SGCZ: variants seen among roughly 807,000 people sequenced by gnomAD.
SGCZ encodes the protein zeta-sarcoglycan.
Under a neutral mutation model 41.3 loss-of-function variants are expected in SGCZ, and 40 were observed. The observed-to-expected ratio is 0.97, with a 90% CI of 0.75 to 1.26. SGCZ has a LOEUF of 1.26. SGCZ is among the 50% of genes most tolerant of loss of function. The probability of loss-of-function intolerance (pLI) is 0.00; values close to 1 mark genes in which losing one functional copy is unlikely to be tolerated. For missense variants in SGCZ, 552 were observed against 369.8 expected (o/e 1.49, Z -4.04); for synonymous variants, 206 against 137.5 (o/e 1.50, Z -3.49).
At chr8:14,735,449 G>A (rs927853934) in intron 1 of SGCZ, among the ~76,000 whole-genome samples, 5 of 152,174 alleles carry the variant, frequency 3.3e-5, no homozygotes, top group African/African-American at 1.2e-4. Context: ...CATGCTGGAT[G>A]CTTCCTGCCC....
chr8:14,305,820 A>T (rs1200153516), intron 3 of SGCZ, among the ~76,000 whole-genome samples: 1 of 152,192 alleles, frequency 6.6e-6, no homozygotes, highest in African/African-American at 2.4e-5. Flanking sequence ...ATGGGACATT[A>T]GTAAACTTGC....
intron 2 of SGCZ, among the ~76,000 whole-genome samples, chr8:14,410,654 A>T (rs992385569): frequency 6.6e-6 from 1 of 152,134 alleles, no homozygotes; most frequent in Admixed American, 6.5e-5. Context: ...CAAATACCTA[A>T]GGCATGCAGG....
chr8:15,009,464 T>C (rs1197903770), intron 1 of SGCZ, among the ~76,000 whole-genome samples: 1 of 152,162 alleles, frequency 6.6e-6, no homozygotes, highest in African/African-American at 2.4e-5. Context: ...TATCACATAG[T>C]TTACAAGTTT....
At chr8:14,734,711 T>C (rs1798974214) in intron 1 of SGCZ, among the ~76,000 whole-genome samples, 1 of 152,166 alleles carries the variant, frequency 6.6e-6, no homozygotes, top group Admixed American at 6.6e-5. Flanking sequence ...TTAAGTGCTC[T>C]TGATTGCATA....
intron 3 of SGCZ, among the ~76,000 whole-genome samples, chr8:14,313,910 CTGTGTG>C (rs34489718): frequency 0.056 from 8,062 of 144,800 alleles, 314 homozygotes; most frequent in African/African-American, 0.11. Flanking sequence ...TATCATCTCT[CTGTGTG>C]TGTGTGTGTG....
chr8:14,829,801 ATGTTT>A (rs571377682), intron 1 of SGCZ, among the ~76,000 whole-genome samples: 2 of 151,940 alleles, frequency 1.3e-5, no homozygotes, highest in East Asian at 1.9e-4. Flanking sequence ...GTTCCCTAAC[ATGTTT>A]TGTTTTGTTT....
intron 1 of SGCZ, among the ~76,000 whole-genome samples, chr8:14,862,537 T>G (rs1435785712): frequency 3.1e-4 from 1 of 3,234 alleles, no homozygotes; most frequent in Non-Finnish European, 8.2e-4. Context: ...ATCTTTAAGA[T>G]ATATATATAT....
At chr8:14,762,880 T>A (rs1799935763) in intron 1 of SGCZ, among the ~76,000 whole-genome samples, 1 of 152,126 alleles carries the variant, frequency 6.6e-6, no homozygotes, top group Admixed American at 6.6e-5. Context: ...GAGCATAGGG[T>A]TTGGAGTTAG....
intron 1 of SGCZ, among the ~76,000 whole-genome samples, chr8:14,693,047 T>C (rs1463377022): frequency 6.6e-6 from 1 of 152,198 alleles, no homozygotes; most frequent in Non-Finnish European, 1.5e-5. Context: ...TTAGTTTCTC[T>C]GTTTATACAT....
At chr8:14,280,178 A>G (rs1395749524) in intron 3 of SGCZ, among the ~76,000 whole-genome samples, 2 of 152,006 alleles carry the variant, frequency 1.3e-5, no homozygotes, top group East Asian at 3.9e-4. Context: ...TTATAATGAC[A>G]TAATAGTATG....
At chr8:14,494,532 C>T (rs567368803) in intron 2 of SGCZ, among the ~76,000 whole-genome samples, 4 of 152,176 alleles carry the variant, frequency 2.6e-5, no homozygotes, top group South Asian at 2.1e-4. Context: ...CACACAAACA[C>T]GCACACCACA....
At chr8:14,388,780 TA>T in intron 2 of SGCZ, among the ~76,000 whole-genome samples, 1 of 150,300 alleles carries the variant, frequency 6.7e-6, no homozygotes, top group South Asian at 2.1e-4. Context: ...GTTTACTATG[TA>T]AAAAACCTGC....
At chr8:14,183,289 TAC>T (rs35770709) in intron 4 of SGCZ, among the ~76,000 whole-genome samples, 54,101 of 149,732 alleles carry the variant, frequency 0.36, 9,999 homozygotes, top group African/African-American at 0.44. Context: ...TTTTTACATG[TAC>T]ACACACACAC....
chr8:14,880,715 A>T (rs1804554861), intron 1 of SGCZ, among the ~76,000 whole-genome samples: 1 of 152,096 alleles, frequency 6.6e-6, no homozygotes, highest in East Asian at 1.9e-4. Context: ...AGAAAACCAA[A>T]CACAACATGT....
At chr8:15,010,636 C>T (rs894904700) in intron 1 of SGCZ, among the ~76,000 whole-genome samples, 1 of 152,166 alleles carries the variant, frequency 6.6e-6, no homozygotes, top group African/African-American at 2.4e-5. Context: ...GTTCTTTTAA[C>T]AGCCTGATGA....
At chr8:14,587,221 T>C (rs746431555) in intron 1 of SGCZ, among the ~76,000 whole-genome samples, 26 of 151,864 alleles carry the variant, frequency 1.7e-4, no homozygotes, top group Admixed American at 3.3e-4. Context: ...GATAATAAAG[T>C]TTCAACCAAA....
chr8:14,426,351 G>T (rs1427350176), intron 2 of SGCZ, among the ~76,000 whole-genome samples: 1 of 152,200 alleles, frequency 6.6e-6, no homozygotes, highest in East Asian at 1.9e-4. Context: ...AAATAGGGTC[G>T]TGAGAGTATT....
intron 1 of SGCZ, among the ~76,000 whole-genome samples, chr8:14,989,433 C>G (rs139953338): frequency 0.023 from 3,484 of 152,104 alleles, 132 homozygotes; most frequent in African/African-American, 0.079. Flanking sequence ...CTGCAGTGAG[C>G]TACGATCACA....
At chr8:15,190,962 T>C (rs1585657117) in intron 1 of SGCZ, among the ~76,000 whole-genome samples, 1 of 152,188 alleles carries the variant, frequency 6.6e-6, no homozygotes, top group African/African-American at 2.4e-5. Flanking sequence ...GGACTATCTA[T>C]GGATTCAGGT....
Sources: gnomAD v4.1 joint callset for allele counts (sites outside exome capture counted in the v4.1 genomes callset) on GRCh38, gnomAD v4.1.1 for gene constraint, MANE v1.5 for transcripts, NCBI Gene and HGNC (gene_info 2026-07-23, HGNC 2026-07-21) for gene names.